The following CROCC variants were observed in gnomAD, a reference collection of about 807,000 sequenced individuals.
The protein encoded by CROCC is ciliary rootlet coiled-coil, rootletin, also known as rootletin.
Under a neutral mutation model 245.2 loss-of-function variants are expected in CROCC, and 180 were observed. The ratio of observed to expected loss-of-function variants is 0.73; its 90% confidence interval spans 0.65 to 0.83. The LOEUF (loss-of-function observed/expected upper bound fraction) is 0.83. Among genes scored for constraint, CROCC ranks in the 40% least tolerant of loss-of-function variants. The pLI, the probability that CROCC is intolerant of heterozygous loss-of-function variation, is 0.00. For missense variants in CROCC, 2,688 were observed against 2,779.4 expected (o/e 0.97, Z 0.74); for synonymous variants, 1,205 against 1,241.6 (o/e 0.97, Z 0.62).
rs118096108 is a variant in CROCC, at chr1:16,924,237, G to A, written c.197-88G>A. ...ATTCCCATCTGGACTCCTCCCAGGG[G>A]CCTGGATGGTTTTCTTGCCCTCCCT... On this transcript the variant is annotated intron_variant, in intron 2 of 36. Transcript: ENST00000375541. 1,264 of 1,512,294 alleles carry A rather than the reference G, an allele frequency of 8.4e-4. 2 individuals carry two copies. The East Asian group carries it at 0.027, about 33-fold the overall frequency. The allele number at this position is 1,512,294 out of a possible 1,614,324, so 93.7% of individuals were successfully genotyped here.
intron 19 of CROCC, 60 bp downstream of exon 19, chr1:16,948,986 A>C (rs1428270929): frequency 9.4e-6 from 15 of 1,589,286 alleles, no homozygotes; most frequent in African/African-American, 5.4e-5. Context: ...GCAGCCTCCC[A>C]AGGTCTGGGG....
chr1:16,924,588 G>T lies in CROCC; in HGVS notation c.351+109G>T, dbSNP rs1196658869. On this transcript the variant is annotated intron_variant, in intron 3 of 36. Coordinates refer to ENST00000375541, the MANE Select transcript of CROCC (RefSeq NM_014675.5). ...GGCAAAAGATGGGCCCTGGAGTCAG[G>T]TTGGCCTGGGCTTGGATTGAGGCTC... The T allele has an allele frequency of 3.3e-5, 48 of 1,435,048 alleles. No homozygotes were observed. The African/African-American group carries it at 5.3e-4, about 16-fold the overall frequency. 88.9% of individuals were successfully genotyped at this position (1,435,048 alleles called of 1,614,324 possible). A position where few individuals can be genotyped will look rare whatever the true frequency, so the allele number is the denominator to read the frequency against.
At chr1:16,916,183 C>CAAAAAAAAAAAAAAAAAAA (rs58710425) in intron 1 of CROCC, among the ~76,000 whole-genome samples, 44 of 107,750 alleles carry the variant, frequency 4.1e-4, no homozygotes, top group African/African-American at 1.2e-3. Context: ...GACTCTGCCT[C>CAAAAAAAAAAAAAAAAAAA]AAAAAAAAAG....
rs1362281524 is a variant in CROCC at position 16,940,084 on chromosome 1, T to C, written c.1799T>C (p.Leu600Pro). 6.2e-7 allele frequency: 1 copy of C among 1,604,176 alleles called. No homozygotes were observed. Among genetic ancestry groups the C allele is most frequent in the Non-Finnish European group, 8.5e-7 (1 of 1,176,902 alleles). ...CAGCGGCTGCGGAGCGCCAACGAGC[T>C]CCTGAGCAGGTGCCGGGGAGGTCTG... ...EVQRLRSANE[L>P]LSREKSNLAH... The change falls in exon 13 of 37, where the codon CTC becomes CCC. Residue 600 changes from leucine to proline, a missense_variant. Physicochemically the swap from Leu to Pro is moderately conservative, Grantham distance 98 (BLOSUM62 -3). Transcript: ENST00000375541.
At position 16,929,916 on chromosome 1, in the gene CROCC, G is replaced by T. The variant is rs1209261778; in HGVS notation, c.422G>T (p.Ser141Ile). The T allele has an allele frequency of 1.3e-6, 2 of 1,588,670 alleles. No individual in the cohort carries two copies. The highest frequency in any genetic ancestry group is 1.7e-6 in the Non-Finnish European group (2 of 1,171,004). Residue 141 changes from serine (S) to isoleucine (I), a missense_variant, in exon 4 of 37, where the codon AGC (serine) becomes ATC (isoleucine). Ser to Ile is a moderately radical substitution (Grantham distance 142). This residue lies in a region of CROCC where 972 missense variants were observed against 895.3 expected (regional missense o/e 1.09). Transcript: ENST00000375541. ...TQEPRGLVRQ[S>I]VELRRQLQEE... Reference sequence around the variant, plus strand: ...GAGCCCAGGGGGCTGGTACGGCAGAGCGTGGAGTTGCGGAGGCAGCTGCAG... The same window carrying T: ...GAGCCCAGGGGGCTGGTACGGCAGATCGTGGAGTTGCGGAGGCAGCTGCAG...
In CROCC at chr1:16,972,592, C is replaced by T. The variant is rs890150773; in HGVS notation, c.*146C>T. On this transcript the variant is annotated 3_prime_UTR_variant, in exon 37 of 37. Coordinates refer to ENST00000375541, the MANE Select transcript of CROCC (RefSeq NM_014675.5). ...GGCGCTCTGCTGGCAGTGCTGAGGA[C>T]GGGTACTCCAGCTCCAGGCCTGGAG... The T allele has an allele frequency of 5.6e-5, 32 of 569,520 alleles. No individual in the cohort carries two copies. The highest frequency in any genetic ancestry group is 2.9e-4 in the African/African-American group (15 of 51,252). The allele number at this position is 569,520 out of a possible 1,614,324, so 35.3% of individuals were successfully genotyped here. A position where few individuals can be genotyped will look rare whatever the true frequency, so the allele number is the denominator to read the frequency against.
chr1:16,955,818 A>AC (rs1235322629), intron 24 of CROCC, among the ~76,000 whole-genome samples, 179 bp from the exon 25 acceptor site: 1 of 151,454 alleles, frequency 6.6e-6, no homozygotes, highest in East Asian at 1.9e-4. Flanking sequence ...TCACTGGTCT[A>AC]CCCCTCCCAG....
At position 16,937,685 on chromosome 1, in the gene CROCC, AT is replaced by A. The variant is rs1442996880; in HGVS notation, c.1239del (p.Leu414TrpfsTer40). The A allele has an allele frequency of 6.2e-7, 1 of 1,611,526 alleles. No individual in the cohort carries two copies. The highest frequency in any genetic ancestry group is 8.5e-7 in the Non-Finnish European group (1 of 1,179,620). ...GLAVKRLEKQ[N>X]LEKDQVNKDL... is the part of the protein sequence containing the mutation. ...GCAGTGAAGCGTCTTGAGAAGCAGA[AT>A]CTGGAGAAGGATCAGGTCAACAAGG... is the stretch of plus-strand genomic sequence containing the variant. On this transcript the variant is annotated frameshift_variant, in exon 10 of 37. Transcript: ENST00000375541. LOFTEE classifies it high-confidence loss of function.
chr1:16,918,365 G>C (rs2075333922), upstream of CROCC, among the ~76,000 whole-genome samples: 1 of 140,840 alleles, frequency 7.1e-6, no homozygotes, highest in African/African-American at 2.7e-5. Context: ...ACGAGGTTCA[G>C]ATATGACTTC....
At chr1:16,946,519 T>G in intron 16 of CROCC, 114 bp downstream of exon 16, 2 of 1,421,678 alleles carry the variant, frequency 1.4e-6, no homozygotes, top group Admixed American at 4.0e-5. Flanking sequence ...TTTCTGTCCC[T>G]GGTTCTCTGT....
chr1:16,950,779 T>C (rs2311539), intron 19 of CROCC, among the ~76,000 whole-genome samples, 174 bp from the exon 20 acceptor site: 1 of 152,170 alleles, frequency 6.6e-6, no homozygotes, highest in African/African-American at 2.4e-5. Context: ...CCATGTAGCA[T>C]ATAGGGAAAC....
chr1:16,945,096 G>T (rs561897138), intron 14 of CROCC, among the ~76,000 whole-genome samples: 7 of 152,398 alleles, frequency 4.6e-5, no homozygotes, highest in Admixed American at 1.3e-4. Context: ...AGTCAGGCGT[G>T]GTGGTGAGCA....
intron 20 of CROCC, among the ~76,000 whole-genome samples, chr1:16,952,731 T>C (rs1327907314): frequency 6.6e-6 from 1 of 152,220 alleles, no homozygotes; most frequent in African/African-American, 2.4e-5. Context: ...CCAGCTCCTC[T>C]GGCAACCCCT....
At chr1:16,951,205 G>A in intron 20 of CROCC, 83 bp downstream of exon 20, 1 of 1,235,264 alleles carries the variant, frequency 8.1e-7, no homozygotes, top group Non-Finnish European at 1.1e-6. Flanking sequence ...CTCTACATCT[G>A]TGAAATGGGA....
At chr1:16,942,428 G>T (rs2075953140) in intron 13 of CROCC, among the ~76,000 whole-genome samples, 1 of 152,290 alleles carries the variant, frequency 6.6e-6, no homozygotes, top group Non-Finnish European at 1.5e-5. Context: ...GGAATAAAAA[G>T]ACAGCGCCTT....
chr1:16,933,290 A>AC (rs1175560525), intron 8 of CROCC, among the ~76,000 whole-genome samples: 18 of 152,066 alleles, frequency 1.2e-4, no homozygotes, highest in African/African-American at 3.6e-4. Context: ...ACATGGTGAG[A>AC]CCCCTATCTC....
At position 16,955,491 on chromosome 1, in the gene CROCC, G is replaced by A; in HGVS notation, c.3645G>A (p.Leu1215=). 1 of 1,580,186 alleles carries A rather than the reference G, an allele frequency of 6.3e-7. No individual in the cohort carries two copies. The highest frequency in any genetic ancestry group is 1.1e-5 in the South Asian group (1 of 87,342). ...AGGGTGCCAAGGAGCGCGAGGCCCT[G>A]CGGCGTTCCAATGAGGAGCTTCGGT... ...LGEGAKEREA[L]RRSNEELRSA... The change falls in exon 24 of 37, where the codon CTG becomes CTA. Residue 1215 remains leucine (L), a synonymous_variant. Coordinates refer to ENST00000375541, the MANE Select transcript of CROCC (RefSeq NM_014675.5).
chr1:16,914,160 G>T (rs1253716561), intron 1 of CROCC, among the ~76,000 whole-genome samples: 2 of 151,372 alleles, frequency 1.3e-5, no homozygotes, highest in Non-Finnish European at 3.0e-5. Flanking sequence ...GGGCGCGCGC[G>T]TGCGCGGGGG....
At chr1:16,926,221 G>C (rs1268350701) in intron 3 of CROCC, among the ~76,000 whole-genome samples, 1 of 152,250 alleles carries the variant, frequency 6.6e-6, no homozygotes, top group African/African-American at 2.4e-5. Flanking sequence ...TGGAGGCAGG[G>C]GTGGAACAGG....
Sources: gnomAD v4.1 joint callset for allele counts (sites outside exome capture counted in the v4.1 genomes callset) on GRCh38, gnomAD v4.1.1 for gene constraint, gnomAD v4.1.1 regional missense constraint, MANE v1.5 for transcripts, NCBI Gene and HGNC (gene_info 2026-07-23, HGNC 2026-07-21) for gene names.